CBLN2: variants seen among roughly 807,000 people sequenced by gnomAD.
CBLN2 encodes the protein cerebellin-2.
CBLN2 carries 7 observed loss-of-function variants against 15.0 expected under a neutral mutation model. The observed-to-expected ratio is 0.47, with a 90% CI of 0.27 to 0.88. The LOEUF (loss-of-function observed/expected upper bound fraction) is 0.88. Among genes scored for constraint, CBLN2 ranks in the 40% least tolerant of loss-of-function variants. CBLN2 has a pLI of 0.14. For synonymous variants in CBLN2, 149 were observed against 135.2 expected (o/e 1.10, Z -0.71); for missense variants, 242 against 304.5 (o/e 0.79, Z 1.53).
At chr18:72,630,002 G>A (rs965938739) in intron 1 of CBLN2, among the ~76,000 whole-genome samples, 1 of 152,096 alleles carries the variant, frequency 6.6e-6, no homozygotes, top group Admixed American at 6.6e-5. Context: ...CAGCTAAATT[G>A]TTATTGCTTA....
upstream of CBLN2, among the ~76,000 whole-genome samples, chr18:72,546,220 G>C (rs1475118753): frequency 6.6e-6 from 1 of 152,114 alleles, no homozygotes; most frequent in South Asian, 2.1e-4. Context: ...GGCGGATCAC[G>C]AGGTCAGGAG....
intron 1 of CBLN2, among the ~76,000 whole-genome samples, chr18:72,603,955 G>T (rs1428060425): frequency 3.3e-5 from 5 of 152,130 alleles, no homozygotes; most frequent in African/African-American, 4.8e-5. Flanking sequence ...CACAGTCTAC[G>T]CTAGGAGCTC....
Position 72,538,073 on chromosome 18 carries a change from AG to A in CBLN2, c.*102del. On this transcript the variant is annotated 3_prime_UTR_variant, in exon 5 of 5. Coordinates refer to ENST00000269503, the MANE Select transcript of CBLN2 (RefSeq NM_182511.4). The stretch of plus-strand genomic sequence containing the variant: ...TTCTTCTACTGCAACAGTCTGACGG[AG>A]GTTGGAAACAAGGTGTCCAATTCCA... The A allele has an allele frequency of 9.1e-7, 1 of 1,104,868 alleles. No individual in the cohort carries two copies. The highest frequency in any genetic ancestry group is 2.4e-5 in the East Asian group (1 of 41,856). The allele number at this position is 1,104,868 out of a possible 1,614,324, so 68.4% of individuals were successfully genotyped here.
intron 1 of CBLN2, among the ~76,000 whole-genome samples, chr18:72,607,381 A>G (rs1170893963): frequency 6.6e-6 from 1 of 152,148 alleles, no homozygotes; most frequent in African/African-American, 2.4e-5. Flanking sequence ...GGAAATGCAC[A>G]TGTGTTCATT....
At position 72,542,239 on chromosome 18, in the gene CBLN2, C is replaced by T; in HGVS notation, c.-79G>A. ...GCGCGGAAGGGCGCGAAGGAACGCG[C>T]GGAGCTCGCAGCAGCCTCCGGGGGC... On this transcript the variant is annotated 5_prime_UTR_variant, in exon 3 of 5. Transcript: ENST00000269503. 2 of 1,000,846 alleles carry T rather than the reference C, an allele frequency of 2.0e-6. No homozygotes were observed. Among genetic ancestry groups the T allele is most frequent in the Non-Finnish European group, 1.3e-6 (1 of 799,494 alleles). 62.0% of individuals were successfully genotyped at this position (1,000,846 alleles called of 1,614,324 possible).
chr18:72,600,471 G>T (rs1196605374), intron 1 of CBLN2, among the ~76,000 whole-genome samples: 5 of 152,190 alleles, frequency 3.3e-5, no homozygotes, highest in Non-Finnish European at 7.3e-5. Flanking sequence ...CTAAATGTGA[G>T]ACTAAGTGTA....
At chr18:72,538,562 T>C (rs1240937604) in intron 4 of CBLN2, 91 bp downstream of exon 4, 38 of 1,549,590 alleles carry the variant, frequency 2.5e-5, no homozygotes. Context: ...GTACCCTGTC[T>C]CCCTCAGCCT....
rs148941342 is a variant in CBLN2, at chr18:72,571,487, G to A, written c.16-32715C>T. 3.5e-3 allele frequency among the ~76,000 whole-genome samples: 537 copies of A among 152,278 alleles called. 7 individuals are homozygous for A. The highest frequency in any genetic ancestry group is 0.013 in the African/African-American group (521 of 41,562). ...AAAGAGCAAAAGTGGCGAAAGACGT[G>A]GGGAAATTTATGGAGTAAGTAAATA... On this transcript the variant is annotated intron_variant, in intron 1 of 2. Transcript: ENST00000581073.
rs115179050 is a variant in CBLN2 at position 72,620,914 on chromosome 18, T to A, written c.15+17411A>T. 8.9e-3 allele frequency among the ~76,000 whole-genome samples: 1,356 copies of A among 152,332 alleles called. 25 individuals are homozygous for A. The highest frequency in any genetic ancestry group is 0.03 in the African/African-American group (1,263 of 41,566). ...TCACATTATAAAAAGAAAAGTGCTA[T>A]AAATAATCAAATCTATTTGATACTT... On this transcript the variant is annotated intron_variant, in intron 1 of 2. Coordinates refer to the CBLN2 transcript ENST00000581073.
At chr18:72,635,461 T>C (rs2069806207) in intron 1 of CBLN2, among the ~76,000 whole-genome samples, 1 of 152,158 alleles carries the variant, frequency 6.6e-6, no homozygotes, top group Admixed American at 6.6e-5. Flanking sequence ...CAAAGTAAAG[T>C]TGTAAATCTA....
chr18:72,546,287 A>G (rs1046106608), upstream of CBLN2, among the ~76,000 whole-genome samples: 6 of 151,960 alleles, frequency 3.9e-5, no homozygotes, highest in Admixed American at 3.9e-4. Flanking sequence ...AATACAAAAA[A>G]TTAGCCGGGC....
chr18:72,574,535 T>G (rs995340561), intron 1 of CBLN2, among the ~76,000 whole-genome samples: 1 of 152,122 alleles, frequency 6.6e-6, no homozygotes, highest in Non-Finnish European at 1.5e-5. Context: ...TCCTTGTGTA[T>G]GTGAGAGGTG....
At chr18:72,559,236 A>T (rs750375482) in intron 1 of CBLN2, among the ~76,000 whole-genome samples, 10 of 152,218 alleles carry the variant, frequency 6.6e-5, no homozygotes, top group Admixed American at 1.3e-4. Flanking sequence ...CAATACAATT[A>T]ACCAATCAGC....
intron 1 of CBLN2, among the ~76,000 whole-genome samples, chr18:72,601,621 C>T (rs1160119734): frequency 2.0e-5 from 3 of 152,122 alleles, no homozygotes; most frequent in East Asian, 3.9e-4. Flanking sequence ...GGGCGTGGGC[C>T]GTGAGAAACA....
chr18:72,619,951 G>A (rs998027919), intron 1 of CBLN2, among the ~76,000 whole-genome samples: 1 of 152,214 alleles, frequency 6.6e-6, no homozygotes, highest in Non-Finnish European at 1.5e-5. Flanking sequence ...TTAGGCATTG[G>A]CAGGAACAAA....
chr18:72,633,787 G>T (rs533246453), intron 1 of CBLN2, among the ~76,000 whole-genome samples: 1 of 152,196 alleles, frequency 6.6e-6, no homozygotes, highest in Non-Finnish European at 1.5e-5. Flanking sequence ...TTATAAACAT[G>T]CATCTGACCT....
chr18:72,584,597 C>T lies in CBLN2; in HGVS notation c.16-45825G>A, dbSNP rs62089751. Among the ~76,000 whole-genome samples, 782 of 152,246 alleles carry T rather than the reference C, an allele frequency of 5.1e-3. 4 individuals carry two copies. The highest frequency in any genetic ancestry group is 0.01 in the Middle Eastern group (3 of 294). ...GATTACATGCATAAGCCACCATGCC[C>T]AGCCTACAATCTTATTGTTTATGTA... On this transcript the variant is annotated intron_variant, in intron 1 of 2. Coordinates refer to the CBLN2 transcript ENST00000581073.
chr18:72,556,982 T>G (rs982687152), intron 1 of CBLN2, among the ~76,000 whole-genome samples: 2 of 152,068 alleles, frequency 1.3e-5, no homozygotes, highest in African/African-American at 4.8e-5. Flanking sequence ...ATCATTCTTA[T>G]GCTGACATCT....
At chr18:72,572,860 AAAAAC>A (rs1266937657) in intron 1 of CBLN2, among the ~76,000 whole-genome samples, 26 of 151,978 alleles carry the variant, frequency 1.7e-4, no homozygotes, top group African/African-American at 6.3e-4. Context: ...ATTATATATA[AAAAAC>A]AAAAATAAAA....
Sources: gnomAD v4.1 joint callset for allele counts (sites outside exome capture counted in the v4.1 genomes callset) on GRCh38, gnomAD v4.1.1 for gene constraint, MANE v1.5 for transcripts, NCBI Gene and HGNC (gene_info 2026-07-23, HGNC 2026-07-21) for gene names.